KRABD3: variants seen among roughly 807,000 people sequenced by gnomAD.
The protein encoded by KRABD3 is KRAB domain-containing protein 3.
the KRABD3 span, among the ~76,000 whole-genome samples, chr7:149,717,610 G>T: frequency 6.6e-6 from 1 of 152,328 alleles, no homozygotes; most frequent in African/African-American, 2.4e-5. Context: ...GGAGGCAAAG[G>T]CTGCAGCATC....
the KRABD3 span, chr7:149,723,476 G>A: frequency 6.0e-6 from 3 of 497,712 alleles, no homozygotes; most frequent in Non-Finnish European, 1.1e-5. Context: ...CAGTGACCCT[G>A]ACAGCCCACT....
the KRABD3 span, chr7:149,725,627 T>C: frequency 0.64 from 592,518 of 923,458 alleles, 193,989 homozygotes; most frequent in African/African-American, 0.87. Flanking sequence ...TCATACTCAC[T>C]CCCAAACAGC....
the KRABD3 span, among the ~76,000 whole-genome samples, chr7:149,720,377 C>T: frequency 5.3e-5 from 8 of 152,324 alleles, no homozygotes; most frequent in South Asian, 1.5e-3. Flanking sequence ...ACCCTGAAGC[C>T]TTATCACAGC....
At chr7:149,717,058 C>T in the KRABD3 span, among the ~76,000 whole-genome samples, 11 of 152,252 alleles carry the variant, frequency 7.2e-5, no homozygotes, top group East Asian at 5.8e-4. Context: ...TGCTCTGCCC[C>T]GGTCTCTGGG....
the KRABD3 span, chr7:149,725,262 G>T: frequency 6.7e-7 from 1 of 1,492,580 alleles, no homozygotes. Flanking sequence ...GGGTCTGATG[G>T]GCAAGGCTGG....
chr7:149,724,559 T>G, the KRABD3 span: 1 of 905,818 alleles, frequency 1.1e-6, no homozygotes. Flanking sequence ...ACAGGGGCTT[T>G]GGAAGCCCCT....
the KRABD3 span, among the ~76,000 whole-genome samples, chr7:149,726,247 G>C: frequency 6.6e-6 from 1 of 152,164 alleles, no homozygotes; most frequent in African/African-American, 2.4e-5. Context: ...TGGAGAGGGG[G>C]CTCCGTTTTA....
At chr7:149,728,065 C>T in the KRABD3 span, among the ~76,000 whole-genome samples, 49 of 152,278 alleles carry the variant, frequency 3.2e-4, no homozygotes, top group Non-Finnish European at 3.8e-4. Context: ...AGGATGTTTG[C>T]AGTGTGTTTA....
At chr7:149,718,854 G>C in the KRABD3 span, among the ~76,000 whole-genome samples, 3 of 152,198 alleles carry the variant, frequency 2.0e-5, no homozygotes, top group African/African-American at 7.2e-5. Context: ...AAAAATGCTC[G>C]TGTTATTTTA....
chr7:149,733,399 T>G, the KRABD3 span: 1 of 1,609,010 alleles, frequency 6.2e-7, no homozygotes, highest in Non-Finnish European at 8.5e-7. Context: ...AGAAGCTGGA[T>G]CGGCTCGCCA....
the KRABD3 span, chr7:149,731,580 G>T: frequency 2.2e-4 from 215 of 970,642 alleles, no homozygotes; most frequent in Non-Finnish European, 3.1e-4. Context: ...TTGTTTAAAA[G>T]TTGAGAGTTT....
the KRABD3 span, chr7:149,722,664 G>A: frequency 6.8e-7 from 1 of 1,479,162 alleles, no homozygotes; most frequent in Non-Finnish European, 9.2e-7. Context: ...CACCGGGCAG[G>A]CCTTGTCTGC....
chr7:149,720,800 AGG>A, the KRABD3 span: 1 of 1,551,542 alleles, frequency 6.4e-7, no homozygotes, highest in Non-Finnish European at 8.7e-7. Context: ...GAGCAGCCGC[AGG>A]GGTGCGGGGG....
the KRABD3 span, chr7:149,721,662 T>C: frequency 9.2e-7 from 1 of 1,091,794 alleles, no homozygotes; most frequent in Non-Finnish European, 1.4e-6. Context: ...TGTGCTGTTC[T>C]TTTGTTAACA....
At chr7:149,723,290 G>A in the KRABD3 span, among the ~76,000 whole-genome samples, 8 of 152,258 alleles carry the variant, frequency 5.3e-5, no homozygotes, top group Admixed American at 5.2e-4. Flanking sequence ...GGACAGCATG[G>A]TGGAGGGGCC....
the KRABD3 span, chr7:149,719,733 G>T: frequency 1.3e-6 from 2 of 1,548,884 alleles, no homozygotes; most frequent in East Asian, 4.6e-5. The surrounding 1 kb of genome is among the most constrained non-coding windows in gnomAD (Gnocchi z 5.6). Flanking sequence ...AAGGGAGGCC[G>T]GAGTCCCTGG....
At chr7:149,732,221 C>T in the KRABD3 span, among the ~76,000 whole-genome samples, 6 of 152,196 alleles carry the variant, frequency 3.9e-5, no homozygotes, top group African/African-American at 1.2e-4. The surrounding 1 kb of genome is among the most constrained non-coding windows in gnomAD (Gnocchi z 4.0). Context: ...GGTTCTCTTA[C>T]TGGCTCAGGG....
chr7:149,722,458 G>A, the KRABD3 span: 5 of 1,607,854 alleles, frequency 3.1e-6, no homozygotes, highest in Admixed American at 1.7e-5. Context: ...AGGAAGGAAG[G>A]CCCAGGAGCC....
At chr7:149,721,649 T>G in the KRABD3 span, 1 of 1,157,918 alleles carries the variant, frequency 8.6e-7, no homozygotes, top group Non-Finnish European at 1.3e-6. Flanking sequence ...TCAGTTCCCC[T>G]GTTGTGCTGT....
Sources: gnomAD v4.1 joint callset for allele counts (sites outside exome capture counted in the v4.1 genomes callset) on GRCh38, gnomAD v4.1.1 for gene constraint, Gnocchi (gnomAD v3.1) non-coding constraint, MANE v1.5 for transcripts, NCBI Gene and HGNC (gene_info 2026-07-23, HGNC 2026-07-21) for gene names.